Variants in LARGE1 observed in about 807,000 individuals in gnomAD.
LARGE1 encodes xylosyl- and glucuronyltransferase LARGE1.
A neutral mutation model predicts 87.6 loss-of-function variants in LARGE1; 43 were observed. That is an observed-to-expected ratio of 0.49 (90% CI 0.38 to 0.63). The LOEUF is 0.63. Among genes scored for constraint, LARGE1 ranks in the 30% least tolerant of loss-of-function variants. The pLI is 0.00. For missense variants in LARGE1, 802 were observed against 1,000.2 expected (o/e 0.80, Z 2.67); for synonymous variants, 434 against 394.6 (o/e 1.10, Z -1.18).
At chr22:33,211,721 C>T (rs142627869) in intron 11 of LARGE1, among the ~76,000 whole-genome samples, 1,879 of 152,162 alleles carry the variant, frequency 0.012, 40 homozygotes, top group African/African-American at 0.042. Flanking sequence ...TGCAGTGAGC[C>T]GAGATCGCGC....
chr22:33,772,062 G>A (rs370192788), intron 1 of LARGE1, among the ~76,000 whole-genome samples: 2 of 152,174 alleles, frequency 1.3e-5, no homozygotes, highest in African/African-American at 2.4e-5. Context: ...GGCCAGGCGC[G>A]GCGGCTCACA....
chr22:33,660,438 C>T (rs770597626), intron 2 of LARGE1, among the ~76,000 whole-genome samples: 8 of 152,072 alleles, frequency 5.3e-5, no homozygotes, highest in Non-Finnish European at 7.4e-5. Context: ...AGATATTCAC[C>T]GCAAATCCTG....
At chr22:33,728,570 A>AC (rs2083350132) in intron 2 of LARGE1, among the ~76,000 whole-genome samples, 3 of 147,954 alleles carry the variant, frequency 2.0e-5, no homozygotes, top group Admixed American at 1.4e-4. Context: ...AAAAAAAAAA[A>AC]AAAAAAAAAC....
chr22:33,316,786 C>T (rs1384615360), intron 10 of LARGE1, among the ~76,000 whole-genome samples: 1 of 152,170 alleles, frequency 6.6e-6, no homozygotes, highest in Middle Eastern at 3.2e-3. Flanking sequence ...ATGCCTTTAA[C>T]ACCTGAGAAA....
intron 1 of LARGE1, among the ~76,000 whole-genome samples, chr22:33,860,610 G>A (rs2063888433): frequency 6.6e-6 from 1 of 152,152 alleles, no homozygotes. Context: ...TCAGCGTCCT[G>A]AGCTGTGAAG....
chr22:33,745,780 T>G (rs2084058516), intron 2 of LARGE1, among the ~76,000 whole-genome samples: 1 of 152,028 alleles, frequency 6.6e-6, no homozygotes, highest in Non-Finnish European at 1.5e-5. Context: ...TGAAAAGTGA[T>G]AAAAGACACA....
At chr22:33,371,518 C>T (rs763081143) in intron 9 of LARGE1, among the ~76,000 whole-genome samples, 6 of 152,118 alleles carry the variant, frequency 3.9e-5, no homozygotes, top group Admixed American at 6.6e-5. Flanking sequence ...AGGCAAAATA[C>T]TTGTGTATTT....
the LARGE1 span, among the ~76,000 whole-genome samples, chr22:33,120,374 CT>C: frequency 1.2e-5 from 1 of 86,596 alleles, no homozygotes; most frequent in African/African-American, 7.1e-5. Flanking sequence ...TTCTTTCTTT[CT>C]TTCTTTCTTT....
chr22:33,808,597 G>C (rs754819386), intron 1 of LARGE1, among the ~76,000 whole-genome samples: 1 of 152,196 alleles, frequency 6.6e-6, no homozygotes, highest in African/African-American at 2.4e-5. Flanking sequence ...CGCTGGGATC[G>C]TAAAGAAGAA....
chr22:33,108,402 TA>T, the LARGE1 span: 2 of 152,126 alleles, frequency 1.3e-5, no homozygotes, highest in African/African-American at 2.4e-5. Flanking sequence ...CCCCAGGGCA[TA>T]GAAGAAGGAG....
intron 1 of LARGE1, among the ~76,000 whole-genome samples, chr22:33,807,023 T>G (rs1405791552): frequency 6.6e-6 from 1 of 151,810 alleles, no homozygotes; most frequent in Non-Finnish European, 1.5e-5. Flanking sequence ...AAAAAAATCC[T>G]CTTCCTTGCA....
At chr22:33,847,168 G>A (rs1408614469) in intron 1 of LARGE1, among the ~76,000 whole-genome samples, 1 of 152,122 alleles carries the variant, frequency 6.6e-6, no homozygotes, top group Non-Finnish European at 1.5e-5. Context: ...TCTCAAGCCA[G>A]CCGACGCTTA....
At chr22:33,418,671 T>C (rs1489429974) in intron 7 of LARGE1, among the ~76,000 whole-genome samples, 1 of 152,038 alleles carries the variant, frequency 6.6e-6, no homozygotes, top group Non-Finnish European at 1.5e-5. Flanking sequence ...GGGGTGAGAA[T>C]GTGCCTGGGC....
intron 11 of LARGE1, among the ~76,000 whole-genome samples, chr22:33,172,380 T>C (rs1922622002): frequency 6.6e-6 from 1 of 152,172 alleles, no homozygotes; most frequent in South Asian, 2.1e-4. Context: ...GTTTCTCCCA[T>C]GCTGTTCTCG....
At chr22:33,182,563 T>C (rs766930544) in intron 11 of LARGE1, among the ~76,000 whole-genome samples, 1 of 152,220 alleles carries the variant, frequency 6.6e-6, no homozygotes, top group Non-Finnish European at 1.5e-5. Context: ...GGCATCACAC[T>C]CTGTGATTTT....
intron 1 of LARGE1, among the ~76,000 whole-genome samples, chr22:33,901,397 C>T (rs1191729919): frequency 6.6e-6 from 1 of 152,196 alleles, no homozygotes; most frequent in African/African-American, 2.4e-5. Context: ...AAGCACCTTA[C>T]CCAAGGGGAG....
chr22:33,331,478 G>C (rs184010061), intron 10 of LARGE1, among the ~76,000 whole-genome samples: 61 of 149,632 alleles, frequency 4.1e-4, no homozygotes, highest in Non-Finnish European at 7.5e-4. Flanking sequence ...CATGATTTCG[G>C]CTCACTGCAT....
chr22:33,892,980 A>C (rs1157902945), intron 1 of LARGE1, among the ~76,000 whole-genome samples: 1 of 152,222 alleles, frequency 6.6e-6, no homozygotes, highest in African/African-American at 2.4e-5. Context: ...AAAAGGGAGA[A>C]GGTGAATAGG....
intron 2 of LARGE1, among the ~76,000 whole-genome samples, chr22:33,703,321 G>T (rs1268610748): frequency 6.9e-6 from 1 of 145,306 alleles, no homozygotes; most frequent in Non-Finnish European, 1.5e-5. Context: ...CAACAAACCT[G>T]CATGTTTAGG....
Sources: gnomAD v4.1 joint callset for allele counts (sites outside exome capture counted in the v4.1 genomes callset) on GRCh38, gnomAD v4.1.1 for gene constraint, MANE v1.5 for transcripts, NCBI Gene and HGNC (gene_info 2026-07-23, HGNC 2026-07-21) for gene names.